Variants in SLF1 observed in about 807,000 individuals in gnomAD.
The protein encoded by SLF1 is SMC5/6 complex localization factor 1.
In SLF1, 105 loss-of-function variants were observed where a neutral mutation model predicts 123.0. The observed-to-expected ratio is 0.85, with a 90% CI of 0.73 to 1.00. SLF1 has a LOEUF of 1.00. Among genes scored for constraint, SLF1 ranks in the 50% least tolerant of loss-of-function variants. The pLI, the probability that SLF1 is intolerant of heterozygous loss-of-function variation, is 0.00. For missense variants in SLF1, 1,239 were observed against 1,223.0 expected, an observed-to-expected ratio of 1.01 and a Z score of -0.20; for synonymous variants, 434 against 406.6, an observed-to-expected ratio of 1.07 and a Z score of -0.81.
chr5:94,644,355 A>G (rs1013779138), intron 5 of SLF1, among the ~76,000 whole-genome samples: 1 of 152,054 alleles, frequency 6.6e-6, no homozygotes, highest in Admixed American at 6.5e-5. Flanking sequence ...TTCTAAAACA[A>G]CTTTGATCCT....
In SLF1 at chr5:94,678,883, C is replaced by G. The variant is rs1222930975; in HGVS notation, c.1903C>G (p.Leu635Val). 1 of 1,613,692 alleles carries G rather than the reference C, an allele frequency of 6.2e-7. No homozygotes were observed. Among genetic ancestry groups the G allele is most frequent in the East Asian group, 2.2e-5 (1 of 44,786 alleles). Residue 635 changes from leucine (L) to valine (V), a missense_variant, in exon 15 of 21, where the codon CTT becomes GTT. Transcript: ENST00000265140. ...AATAGATTATTGGATTTTCCTTGGTCTTAAGATGGGTAGAAATGTGATGCG... is the reference window on the plus strand; with the variant it reads ...AATAGATTATTGGATTTTCCTTGGTGTTAAGATGGGTAGAAATGTGATGCG... ...AAIDYWIFLG[L>V]KMGRNVMRHM...
Position 94,630,660 on chromosome 5 carries a change from A to G in SLF1, c.348A>G (p.Lys116=), listed in dbSNP as rs1745098559. The G allele has an allele frequency of 1.2e-5, 19 of 1,551,738 alleles. No homozygotes were observed. Among genetic ancestry groups the G allele is most frequent in the South Asian group, 3.6e-5 (3 of 84,068 alleles). ...CTAAAAGATGGCGTGAAGAACTGAA[A>G]CGCACTGGTGCTCCAGGAGCCTTCC... ...SAPKRWREEL[K]RTGAPGAFHR... The change falls in exon 4 of 21, where the codon AAA becomes AAG. Residue 116 remains lysine (K), a synonymous_variant. Transcript: ENST00000265140.
Position 94,651,822 on chromosome 5 carries a change from G to T in SLF1, c.859G>T (p.Gly287Ter), listed in dbSNP as rs1747757182. ...ATTTGTTAAAATGAGAAATACCTTT[G>T]GAAGCCATACATATGAAAATCAGGT... is the stretch of plus-strand genomic sequence containing the variant. Reference protein sequence around the residue: ...LKFVKMRNTFGSHTYENQKEI... With the variant: ...LKFVKMRNTF Residue 287 changes from glycine to a stop codon, truncating the protein, a stop_gained, in exon 7 of 21, where the codon GGA becomes TGA. Coordinates refer to ENST00000265140, the MANE Select transcript of SLF1 (RefSeq NM_032290.4). LOFTEE classifies it high-confidence loss of function. 2 of 1,462,812 alleles carry T rather than the reference G, an allele frequency of 1.4e-6. No homozygotes were observed. Among genetic ancestry groups the T allele is most frequent in the African/African-American group, 2.9e-5 (2 of 69,758 alleles). The allele number at this position is 1,462,812 out of a possible 1,614,324, so 90.6% of individuals were successfully genotyped here. A position where few individuals can be genotyped will look rare whatever the true frequency, so the allele number is the denominator to read the frequency against.
intron 9 of SLF1, among the ~76,000 whole-genome samples, chr5:94,655,486 G>T (rs1188169256): frequency 6.6e-6 from 1 of 152,132 alleles, no homozygotes; most frequent in African/African-American, 2.4e-5. Flanking sequence ...TTTCACAGAA[G>T]AATGTCATTG....
At chr5:94,654,955 T>A (rs1250981898) in intron 9 of SLF1, among the ~76,000 whole-genome samples, 1 of 152,214 alleles carries the variant, frequency 6.6e-6, no homozygotes, top group Non-Finnish European at 1.5e-5. Flanking sequence ...TATTTATACC[T>A]CAATAATGTC....
Position 94,692,104 on chromosome 5 carries a change from C to T in SLF1, c.2543C>T (p.Ala848Val). The change falls in exon 20 of 21, where the codon GCC (alanine) becomes GTC (valine). Residue 848 changes from alanine (A) to valine (V), a missense_variant. Ala to Val is a moderately conservative substitution (Grantham distance 64, BLOSUM62 0). Transcript: ENST00000265140. ...GCTGGCTGGACGCCTTTGCATGAAG[C>T]CTGTAACTATGGCAACACAGTGTGT... ...DNAGWTPLHE[A>V]CNYGNTVCVQ... 1.2e-6 allele frequency: 2 copies of T among 1,613,598 alleles called. No individual in the cohort carries two copies. The highest frequency in any genetic ancestry group is 1.1e-5 in the South Asian group (1 of 91,044).
intron 5 of SLF1, among the ~76,000 whole-genome samples, chr5:94,646,548 A>T (rs181130269): frequency 3.9e-5 from 6 of 152,356 alleles, no homozygotes; most frequent in Admixed American, 3.9e-4. Context: ...AGGAATACAG[A>T]GGAACAAATG....
chr5:94,653,841 T>C (rs6556850), intron 8 of SLF1, among the ~76,000 whole-genome samples: 33,782 of 148,708 alleles, frequency 0.23, 3,882 homozygotes, highest in East Asian at 0.35. Context: ...GGTAAATTTT[T>C]TCTGGAGTAT....
At chr5:94,680,783 G>A (rs1005511992) in intron 15 of SLF1, among the ~76,000 whole-genome samples, 10 of 151,974 alleles carry the variant, frequency 6.6e-5, no homozygotes, top group African/African-American at 1.7e-4. Flanking sequence ...ATTTCCCTTC[G>A]CTTTAAAGCA....
At chr5:94,662,222 C>T (rs1318978509) in intron 9 of SLF1, 76 bp from the exon 10 acceptor site, 5 of 1,285,346 alleles carry the variant, frequency 3.9e-6, no homozygotes, top group Non-Finnish European at 3.2e-6. Context: ...ATATGTTTTT[C>T]CAAGGTTTTG....
intron 4 of SLF1, among the ~76,000 whole-genome samples, chr5:94,639,223 A>G (rs1005118103): frequency 6.6e-6 from 1 of 151,910 alleles, no homozygotes; most frequent in Non-Finnish European, 1.5e-5. Context: ...TATTTTTATT[A>G]GAAACGGGGT....
At chr5:94,689,444 C>A (rs1335725875) in intron 17 of SLF1, 29 bp from the exon 18 acceptor site, 16 of 1,592,758 alleles carry the variant, frequency 1.0e-5, no homozygotes, top group East Asian at 2.2e-5. Context: ...GAAAAACAAG[C>A]TTTCATTATT....
intron 14 of SLF1, among the ~76,000 whole-genome samples, chr5:94,673,417 G>A (rs1750692935): frequency 6.6e-6 from 1 of 152,014 alleles, no homozygotes; most frequent in South Asian, 2.1e-4. Context: ...GTTCCTGCCT[G>A]TAATCCCAGC....
chr5:94,644,149 A>G (rs1242500510), intron 5 of SLF1, among the ~76,000 whole-genome samples: 2 of 152,264 alleles, frequency 1.3e-5, no homozygotes, highest in Admixed American at 1.3e-4. Flanking sequence ...TACTAACATC[A>G]TACTGAGTTT....
intron 9 of SLF1, among the ~76,000 whole-genome samples, chr5:94,658,689 G>C (rs1748716284): frequency 6.6e-6 from 1 of 152,088 alleles, no homozygotes; most frequent in Non-Finnish European, 1.5e-5. Context: ...TACAACACTT[G>C]GGACGTTTTC....
chr5:94,684,633 G>A (rs1422613212), intron 15 of SLF1, among the ~76,000 whole-genome samples: 1 of 149,338 alleles, frequency 6.7e-6, no homozygotes, highest in Non-Finnish European at 1.5e-5. Flanking sequence ...GGGAGGCAGA[G>A]GTTGCAGTGA....
At chr5:94,636,574 AATTAT>A (rs1235774034) in intron 4 of SLF1, among the ~76,000 whole-genome samples, 1 of 140,464 alleles carries the variant, frequency 7.1e-6, no homozygotes, top group Non-Finnish European at 1.6e-5. Flanking sequence ...TCACTTTAGC[AATTAT>A]ATTCTTCATC....
intron 6 of SLF1, among the ~76,000 whole-genome samples, chr5:94,651,057 GATA>G (rs1747662707): frequency 6.6e-6 from 1 of 152,126 alleles, no homozygotes; most frequent in Non-Finnish European, 1.5e-5. Context: ...AGTCCCATAA[GATA>G]ATAATACCAT....
At chr5:94,679,242 C>T (rs1312635203) in intron 15 of SLF1, among the ~76,000 whole-genome samples, 2 of 152,080 alleles carry the variant, frequency 1.3e-5, no homozygotes, top group African/African-American at 4.8e-5. Context: ...ATTTTGCATT[C>T]TTATTTTCCT....
Sources: gnomAD v4.1 joint callset for allele counts (sites outside exome capture counted in the v4.1 genomes callset) on GRCh38, gnomAD v4.1.1 for gene constraint, MANE v1.5 for transcripts, NCBI Gene and HGNC (gene_info 2026-07-23, HGNC 2026-07-21) for gene names.